Variants in SLCO3A1 observed in about 807,000 individuals in gnomAD.
The protein encoded by SLCO3A1 is solute carrier organic anion transporter family member 3A1.
SLCO3A1 carries 27 observed loss-of-function variants against 63.1 expected under a neutral mutation model. That is an observed-to-expected ratio of 0.43 (90% CI 0.32 to 0.59). The LOEUF is 0.59. Ranked by LOEUF, SLCO3A1 falls within the 20% of genes least tolerant of loss-of-function variation. SLCO3A1 has a pLI of 0.09. For synonymous variants in SLCO3A1, 473 were observed against 409.9 expected (o/e 1.15, Z -1.86); for missense variants, 773 against 945.8 (o/e 0.82, Z 2.40).
chr15:91,958,507 A>C (rs540381958), intron 2 of SLCO3A1, among the ~76,000 whole-genome samples: 1 of 152,246 alleles, frequency 6.6e-6, no homozygotes, highest in African/African-American at 2.4e-5. Flanking sequence ...CTGATCCTTC[A>C]TTTCTTCACT....
intron 7 of SLCO3A1, among the ~76,000 whole-genome samples, chr15:92,136,535 TC>T (rs2048059561): frequency 6.6e-6 from 1 of 152,236 alleles, no homozygotes; most frequent in Admixed American, 6.5e-5. Context: ...TTTATTCTCA[TC>T]ATTGTATGTG....
rs1404461765 is a variant in SLCO3A1, at chr15:92,016,906, A to C, written c.647-77975A>C. Among the ~76,000 whole-genome samples, 3 of 152,216 alleles carry C rather than the reference A, an allele frequency of 2.0e-5. No homozygotes were observed. The East Asian group carries it at 5.8e-4, about 29-fold the overall frequency. On this transcript the variant is annotated intron_variant, in intron 2 of 9. Transcript: ENST00000318445. ...GTTATGTGGGATTAAGATAAAGACT[A>C]GGGCTTGATCGCACATTTGAAAATT...
intron 4 of SLCO3A1, among the ~76,000 whole-genome samples, chr15:92,114,248 T>C (rs570648182): frequency 6.6e-6 from 1 of 152,350 alleles, no homozygotes; most frequent in East Asian, 1.9e-4. Flanking sequence ...TAAGTTTTTT[T>C]CTGTTGCCTC....
chr15:92,017,120 A>C (rs973115941), intron 2 of SLCO3A1, among the ~76,000 whole-genome samples: 5 of 152,196 alleles, frequency 3.3e-5, no homozygotes, highest in African/African-American at 1.2e-4. Context: ...TACCATTTGC[A>C]AAGGAGAAAG....
intron 2 of SLCO3A1, among the ~76,000 whole-genome samples, chr15:91,932,788 C>G (rs1449851297): frequency 6.6e-6 from 1 of 152,176 alleles, no homozygotes; most frequent in African/African-American, 2.4e-5. Context: ...TAATCACAAT[C>G]CCATTCTCAT....
chr15:92,118,651 G>A (rs548318819), intron 4 of SLCO3A1, among the ~76,000 whole-genome samples: 1 of 152,264 alleles, frequency 6.6e-6, no homozygotes, highest in Admixed American at 6.5e-5. Context: ...TAGGACAGCT[G>A]GCTAATTCAT....
At chr15:91,923,160 G>C (rs1032858992) in intron 2 of SLCO3A1, among the ~76,000 whole-genome samples, 3 of 152,276 alleles carry the variant, frequency 2.0e-5, no homozygotes. Flanking sequence ...TGGTCTACCT[G>C]GCCAGGCTTT....
intron 2 of SLCO3A1, among the ~76,000 whole-genome samples, chr15:92,074,784 G>GC (rs1348509002): frequency 6.6e-6 from 1 of 151,752 alleles, no homozygotes; most frequent in Non-Finnish European, 1.5e-5. Flanking sequence ...AGGGCGGTGG[G>GC]GGGTGGCCAG....
At chr15:91,922,238 T>G (rs1341958175) in intron 2 of SLCO3A1, among the ~76,000 whole-genome samples, 1 of 151,744 alleles carries the variant, frequency 6.6e-6, no homozygotes, top group Non-Finnish European at 1.5e-5. Flanking sequence ...CAGATTCTCC[T>G]GAGGATGGAT....
At chr15:91,958,229 TAGTTA>T in intron 2 of SLCO3A1, among the ~76,000 whole-genome samples, 1 of 152,224 alleles carries the variant, frequency 6.6e-6, no homozygotes, top group East Asian at 1.9e-4. Context: ...TCACTATTAG[TAGTTA>T]AGTTTTTGGG....
intron 2 of SLCO3A1, among the ~76,000 whole-genome samples, chr15:91,990,991 G>A (rs1358155353): frequency 6.6e-6 from 1 of 152,150 alleles, no homozygotes; most frequent in African/African-American, 2.4e-5. Flanking sequence ...TAAGCACCAG[G>A]CCATCCTTGC....
At chr15:92,051,817 T>G (rs1878556) in intron 2 of SLCO3A1, among the ~76,000 whole-genome samples, 50,250 of 152,034 alleles carry the variant, frequency 0.33, 9,531 homozygotes, top group African/African-American at 0.53. Flanking sequence ...TCCCTCTCCT[T>G]TTAGTTCAAG....
intron 2 of SLCO3A1, among the ~76,000 whole-genome samples, chr15:91,998,520 C>T: frequency 6.6e-6 from 1 of 151,918 alleles, no homozygotes; most frequent in East Asian, 1.9e-4. Flanking sequence ...GTACAAGCAA[C>T]CAACAAATAT....
At chr15:91,986,886 G>A (rs1046571242) in intron 2 of SLCO3A1, among the ~76,000 whole-genome samples, 1 of 152,158 alleles carries the variant, frequency 6.6e-6, no homozygotes, top group African/African-American at 2.4e-5. Flanking sequence ...AAGGCATATG[G>A]GGAGAAGGGT....
rs1281203109 is a variant in SLCO3A1 at position 92,064,559 on chromosome 15, T to C, written c.647-30322T>C. The stretch of plus-strand genomic sequence containing the variant: ...TGTCTTCCCCAGTGTTTTCTTCTAG[T>C]AGTTTTATAGTTTCAAGTCTTACAT... On this transcript the variant is annotated intron_variant, in intron 2 of 9. Coordinates refer to ENST00000318445, the MANE Select transcript of SLCO3A1 (RefSeq NM_013272.4). Among the ~76,000 whole-genome samples, 3 of 152,206 alleles carry C rather than the reference T, an allele frequency of 2.0e-5. No homozygotes were observed. In the East Asian group the frequency reaches 5.8e-4, roughly 29 times the overall value.
intron 2 of SLCO3A1, among the ~76,000 whole-genome samples, chr15:91,956,180 G>A (rs994286429): frequency 6.6e-6 from 1 of 152,172 alleles, no homozygotes; most frequent in African/African-American, 2.4e-5. Flanking sequence ...CCTTATCTCT[G>A]ACTTCCTGCT....
intron 1 of SLCO3A1, among the ~76,000 whole-genome samples, chr15:91,868,363 T>TC: frequency 6.6e-6 from 1 of 151,462 alleles, no homozygotes; most frequent in East Asian, 1.9e-4. Context: ...GCTTTTTTTT[T>TC]TTTTTTTTTT....
chr15:92,066,864 A>G (rs1312754829), intron 2 of SLCO3A1, among the ~76,000 whole-genome samples: 2 of 152,216 alleles, frequency 1.3e-5, no homozygotes, highest in African/African-American at 4.8e-5. Context: ...CTTCTGTCCC[A>G]GATCCCTTGG....
intron 1 of SLCO3A1, among the ~76,000 whole-genome samples, chr15:91,864,630 T>G (rs1430885719): frequency 6.6e-6 from 1 of 152,140 alleles, no homozygotes; most frequent in East Asian, 1.9e-4. Flanking sequence ...TGGGGAATAC[T>G]TTTGTATTTA....
Sources: allele counts gnomAD v4.1 joint callset (sites outside exome capture counted in the v4.1 genomes callset), GRCh38; gene constraint gnomAD v4.1.1; transcripts MANE v1.5; gene names NCBI Gene and HGNC (gene_info 2026-07-23, HGNC 2026-07-21).